CCDC148: variants seen among roughly 807,000 people sequenced by gnomAD.
CCDC148 encodes the protein coiled-coil domain containing 148.
In CCDC148, 89 loss-of-function variants were observed where a neutral mutation model predicts 85.7. The ratio of observed to expected loss-of-function variants is 1.04; its 90% CI spans 0.87 to 1.24. CCDC148 has a LOEUF of 1.24. Among genes scored for constraint, CCDC148 ranks in the 50% most tolerant of loss-of-function variants. The pLI, the probability that CCDC148 is intolerant of heterozygous loss-of-function variation, is 0.00. For missense variants in CCDC148, 692 were observed against 671.7 expected (o/e 1.03, Z -0.33); for synonymous variants, 230 against 213.9 (o/e 1.08, Z -0.66).
chr2:158,430,702 T>C (rs1460780036), intron 1 of CCDC148, among the ~76,000 whole-genome samples: 1 of 152,120 alleles, frequency 6.6e-6, no homozygotes, highest in African/African-American at 2.4e-5. Context: ...ATGTATCAAA[T>C]TATCACATGT....
chr2:158,351,676 AT>A (rs1683302431), intron 2 of CCDC148, among the ~76,000 whole-genome samples: 1 of 151,854 alleles, frequency 6.6e-6, no homozygotes, highest in Non-Finnish European at 1.5e-5. Flanking sequence ...CCCAGGCTTG[AT>A]TAGGTAAACA....
Position 158,315,397 on chromosome 2 carries a change from T to C in CCDC148, c.765-1503A>G, listed in dbSNP as rs1692229787. On this transcript the variant is annotated intron_variant, in intron 7 of 13. Transcript: ENST00000283233. ...CAGAGTTAGCCACATAAATTCTGCA[T>C]TACCATACCACAAGCAACAAACAAA... is the stretch of plus-strand genomic sequence containing the variant. 2.0e-5 allele frequency among the ~76,000 whole-genome samples: 3 copies of C among 152,196 alleles called. No homozygotes were observed. The South Asian group carries it at 6.2e-4, about 31-fold the overall frequency.
chr2:158,355,546 A>G (rs1253316485), intron 2 of CCDC148, among the ~76,000 whole-genome samples: 5 of 144,060 alleles, frequency 3.5e-5, no homozygotes, highest in Non-Finnish European at 1.5e-5. Flanking sequence ...CTCTTCAAGG[A>G]GAACTACAAA....
intron 2 of CCDC148, among the ~76,000 whole-genome samples, chr2:158,345,825 C>T (rs1682968422): frequency 6.6e-6 from 1 of 152,166 alleles, no homozygotes; most frequent in African/African-American, 2.4e-5. Flanking sequence ...TCTGATCCCT[C>T]AGCATAAGAT....
chr2:158,261,250 C>G (rs1054119730), intron 9 of CCDC148, among the ~76,000 whole-genome samples: 1 of 151,838 alleles, frequency 6.6e-6, no homozygotes, highest in Admixed American at 6.6e-5. Context: ...ACAAAGCCAA[C>G]GAAAACAAGT....
intron 10 of CCDC148, among the ~76,000 whole-genome samples, chr2:158,241,138 C>T (rs142586714): frequency 2.3e-4 from 35 of 152,282 alleles, no homozygotes; most frequent in African/African-American, 8.4e-4. Flanking sequence ...TTTGTTGATA[C>T]TCCCTGAGAA....
intron 1 of CCDC148, among the ~76,000 whole-genome samples, chr2:158,407,493 T>C (rs1244850339): frequency 6.6e-6 from 1 of 152,144 alleles, no homozygotes; most frequent in Non-Finnish European, 1.5e-5. Flanking sequence ...TCAAAATACA[T>C]GAGATTTTTT....
Position 158,342,026 on chromosome 2 carries a change from CTTT to C in CCDC148, c.252-1349_252-1347del, listed in dbSNP as rs1159799812. Among the ~76,000 whole-genome samples, 8 of 62,660 alleles carry C rather than the reference CTTT, an allele frequency of 1.3e-4. 1 individual carries two copies. The highest frequency in any genetic ancestry group is 0.022 in the Middle Eastern group (1 of 46). The allele number at this position is 62,660 out of a possible 152,430, so 41.1% of individuals were successfully genotyped here. A position where few individuals can be genotyped will look rare whatever the true frequency, so the allele number is the denominator to read the frequency against. ...TATGTACGTGTCATTATTTTCTTTTCTTTTTTTTTTTTTTTTTTTTTGAGAAGG... is the reference window on the plus strand; with the variant it reads ...TATGTACGTGTCATTATTTTCTTTTCTTTTTTTTTTTTTTTTTTGAGAAGG... On this transcript the variant is annotated intron_variant, in intron 3 of 13. Transcript: ENST00000283233.
At chr2:158,426,278 G>A (rs1160347302) in intron 1 of CCDC148, among the ~76,000 whole-genome samples, 1 of 151,946 alleles carries the variant, frequency 6.6e-6, no homozygotes, top group African/African-American at 2.4e-5. Context: ...TTATGTCACA[G>A]CCATCACAAC....
chr2:158,184,668 T>C (rs1331431291), intron 11 of CCDC148, among the ~76,000 whole-genome samples: 1 of 152,158 alleles, frequency 6.6e-6, no homozygotes, highest in African/African-American at 2.4e-5. Flanking sequence ...CGCTCCAGAA[T>C]AATTACATCA....
At chr2:158,233,959 C>T (rs752464582) in intron 10 of CCDC148, among the ~76,000 whole-genome samples, 22 of 151,956 alleles carry the variant, frequency 1.4e-4, no homozygotes, top group Admixed American at 6.6e-4. Context: ...GGGTGGAGCA[C>T]GAGGTCAAGA....
At chr2:158,413,487 A>G (rs1686355968) in intron 1 of CCDC148, among the ~76,000 whole-genome samples, 2 of 152,164 alleles carry the variant, frequency 1.3e-5, no homozygotes, top group African/African-American at 4.8e-5. Context: ...ATATTTGATT[A>G]TTATCTCATA....
chr2:158,235,560 A>G (rs1688064415), intron 10 of CCDC148, among the ~76,000 whole-genome samples: 1 of 152,128 alleles, frequency 6.6e-6, no homozygotes, highest in Non-Finnish European at 1.5e-5. Flanking sequence ...ATCTGCTGGT[A>G]TGTTCTCTAT....
At chr2:158,453,922 C>G (rs942669020) in intron 1 of CCDC148, among the ~76,000 whole-genome samples, 5 of 152,134 alleles carry the variant, frequency 3.3e-5, no homozygotes, top group African/African-American at 9.7e-5. Context: ...CCCTACTTTC[C>G]AGCACTTTTC....
At chr2:158,358,890 C>A (rs898447720) in intron 1 of CCDC148, among the ~76,000 whole-genome samples, 1 of 151,884 alleles carries the variant, frequency 6.6e-6, no homozygotes, top group Non-Finnish European at 1.5e-5. Flanking sequence ...ACTGTTAACC[C>A]ATTCTTTTTA....
intron 12 of CCDC148, among the ~76,000 whole-genome samples, chr2:158,176,907 GAATA>G (rs1263074540): frequency 6.6e-6 from 1 of 151,986 alleles, no homozygotes; most frequent in Non-Finnish European, 1.5e-5. Context: ...GCTAATGATT[GAATA>G]ATTATAATTA....
intron 13 of CCDC148, 138 bp from the exon 14 acceptor site, chr2:158,172,397 C>A: frequency 3.0e-6 from 2 of 656,360 alleles, no homozygotes; most frequent in East Asian, 2.8e-5. Flanking sequence ...AATACAGTGA[C>A]TATATTTTGG....
intron 1 of CCDC148, among the ~76,000 whole-genome samples, chr2:158,366,854 C>T (rs1435375950): frequency 6.6e-6 from 1 of 152,170 alleles, no homozygotes; most frequent in African/African-American, 2.4e-5. Flanking sequence ...ACAGTACTCA[C>T]TTTTCAAAAG....
intron 1 of CCDC148, among the ~76,000 whole-genome samples, chr2:158,445,889 C>T (rs1688137401): frequency 6.6e-6 from 1 of 152,114 alleles, no homozygotes; most frequent in Admixed American, 6.6e-5. Context: ...CTATGCTTCA[C>T]TACTTGAAAA....
Sources: allele counts gnomAD v4.1 joint callset (sites outside exome capture counted in the v4.1 genomes callset), GRCh38; gene constraint gnomAD v4.1.1; transcripts MANE v1.5; gene names NCBI Gene and HGNC (gene_info 2026-07-23, HGNC 2026-07-21).